AGBL1: variants seen among roughly 807,000 people sequenced by gnomAD.
The protein encoded by AGBL1 is AGBL carboxypeptidase 1.
AGBL1 carries 130 observed loss-of-function variants against 118.9 expected under a neutral mutation model. The observed-to-expected ratio is 1.09, with a 90% confidence interval of 0.95 to 1.26. AGBL1 has a LOEUF of 1.26. Ranked by LOEUF, AGBL1 falls within the 50% of genes most tolerant of loss-of-function variation. AGBL1 has a pLI of 0.00. For missense variants in AGBL1, 1,584 were observed against 1,298.1 expected, an observed-to-expected ratio of 1.22 and a Z score of -3.38; for synonymous variants, 555 against 478.9, an observed-to-expected ratio of 1.16 and a Z score of -2.08.
intron 22 of AGBL1, among the ~76,000 whole-genome samples, chr15:86,824,272 CA>C (rs147915756): frequency 0.014 from 2,112 of 152,028 alleles, 49 homozygotes; most frequent in African/African-American, 0.048. Context: ...ACACAAAAAC[CA>C]ATCATTTTTC....
chr15:86,710,329 C>G (rs1021032348), intron 22 of AGBL1, among the ~76,000 whole-genome samples: 8 of 152,140 alleles, frequency 5.3e-5, no homozygotes, highest in Non-Finnish European at 7.3e-5. Flanking sequence ...CTATTAGACC[C>G]ATTGTTAGTT....
intron 22 of AGBL1, among the ~76,000 whole-genome samples, chr15:86,804,571 G>A (rs535904749): frequency 3.9e-5 from 6 of 152,244 alleles, no homozygotes; most frequent in South Asian, 4.1e-4. Flanking sequence ...TGAATGCTAC[G>A]CATGTGTCTT....
At chr15:86,305,056 C>A (rs12903704) in intron 17 of AGBL1, 1 of 151,966 alleles carries the variant, frequency 6.6e-6, no homozygotes, top group Non-Finnish European at 1.5e-5. Flanking sequence ...AAAAACACAA[C>A]CAATGTTTCT....
At chr15:86,556,126 T>A in intron 21 of AGBL1, 1 of 996,592 alleles carries the variant, frequency 1.0e-6, no homozygotes, top group Non-Finnish European at 1.5e-6. Context: ...ATCAGTGCCA[T>A]TCACAATAAA....
intron 22 of AGBL1, among the ~76,000 whole-genome samples, chr15:86,700,925 G>A (rs2086347254): frequency 6.6e-6 from 1 of 152,076 alleles, no homozygotes; most frequent in Non-Finnish European, 1.5e-5. Flanking sequence ...GACAGTCAGA[G>A]TCAGCCGGAT....
chr15:86,771,749 T>C (rs569799550), intron 22 of AGBL1, among the ~76,000 whole-genome samples: 87 of 152,132 alleles, frequency 5.7e-4, no homozygotes, highest in Admixed American at 1.7e-3. Flanking sequence ...TTCTCCTTAA[T>C]TATTTTTTTC....
At chr15:86,327,530 C>G (rs1033485830) in intron 17 of AGBL1, among the ~76,000 whole-genome samples, 4 of 152,096 alleles carry the variant, frequency 2.6e-5, no homozygotes, top group African/African-American at 9.7e-5. Flanking sequence ...TTTTAAGAAG[C>G]GATGAAAGCC....
intron 21 of AGBL1, among the ~76,000 whole-genome samples, chr15:86,633,524 T>G (rs768994671): frequency 3.9e-5 from 6 of 152,122 alleles, no homozygotes; most frequent in Non-Finnish European, 7.4e-5. Context: ...AAATAAATAC[T>G]GCTGAAAGAA....
At position 86,778,990 on chromosome 15, in the gene AGBL1, T is replaced by G. The variant is rs911573322; in HGVS notation, c.3158+104554T>G. On this transcript the variant is annotated intron_variant, in intron 22 of 22. Transcript: ENST00000614907. The stretch of plus-strand genomic sequence containing the variant: ...TGTGAAATCTTCACAATTTATGTTC[T>G]TCTGCCATGGCTTCAGCCGGTCCCT... Among the ~76,000 whole-genome samples, 5 of 152,242 alleles carry G rather than the reference T, an allele frequency of 3.3e-5. 1 individual carries two copies. The highest frequency in any genetic ancestry group is 2.6e-4 in the Admixed American group (4 of 15,284).
At chr15:86,131,541 A>G (rs1446768725) in intron 1 of AGBL1, among the ~76,000 whole-genome samples, 1 of 152,188 alleles carries the variant, frequency 6.6e-6, no homozygotes, top group Non-Finnish European at 1.5e-5. Flanking sequence ...CTTGGCCTCA[A>G]TTTCCTTATC....
At chr15:86,990,510 T>C (rs1359481166) in intron 24 of AGBL1, among the ~76,000 whole-genome samples, 1 of 151,248 alleles carries the variant, frequency 6.6e-6, no homozygotes, top group Non-Finnish European at 1.5e-5. Context: ...CAAGACTCCA[T>C]CTCAGAAAAA....
intron 22 of AGBL1, among the ~76,000 whole-genome samples, chr15:86,721,627 T>A (rs868532577): frequency 1.3e-5 from 2 of 152,158 alleles, no homozygotes; most frequent in African/African-American, 4.8e-5. Flanking sequence ...ACCACTCCTA[T>A]TCAACATAGT....
chr15:86,667,339 T>C (rs1378821334), intron 21 of AGBL1, among the ~76,000 whole-genome samples: 1 of 152,012 alleles, frequency 6.6e-6, no homozygotes, highest in African/African-American at 2.4e-5. Context: ...TTTTTGGTAT[T>C]AGGATTATGT....
At chr15:86,290,923 A>G (rs7178354) in intron 16 of AGBL1, among the ~76,000 whole-genome samples, 53,424 of 151,354 alleles carry the variant, frequency 0.35, 9,828 homozygotes, top group African/African-American at 0.4. Context: ...TCCCACCTAT[A>G]AGTGAGAATA....
chr15:86,719,670 C>T (rs1349196285), intron 22 of AGBL1, among the ~76,000 whole-genome samples: 1 of 152,036 alleles, frequency 6.6e-6, no homozygotes. Flanking sequence ...TCCTTTTTAT[C>T]CTCAATTAAG....
chr15:86,416,183 G>T (rs2081692081), intron 18 of AGBL1, among the ~76,000 whole-genome samples: 2 of 152,220 alleles, frequency 1.3e-5, no homozygotes, highest in Middle Eastern at 6.8e-3. Context: ...GAGTAGAGAT[G>T]ACTAAATATT....
At position 86,267,084 on chromosome 15, in the gene AGBL1, A is replaced by C; in HGVS notation, c.1838+8A>C. On this transcript the variant is annotated splice_region_variant and intron_variant, in intron 13 of 22. Coordinates refer to ENST00000614907, the MANE Select transcript of AGBL1 (RefSeq NM_001386094.1). The stretch of plus-strand genomic sequence containing the variant: ...AGCCATCCAAGTGCGTGAGTAAGTA[A>C]GGAAAACCACAGTGGGTGTCTCCTG... 1 of 1,554,960 alleles carries C rather than the reference A, an allele frequency of 6.4e-7. No homozygotes were observed. The highest frequency in any genetic ancestry group is 1.2e-5 in the South Asian group (1 of 84,292).
At position 86,141,840 on chromosome 15, in the gene AGBL1, A is replaced by G. The variant is rs1424627187; in HGVS notation, c.52-164A>G. Among the ~76,000 whole-genome samples the G allele has an allele frequency of 2.0e-5, 3 of 152,218 alleles. No homozygotes were observed. In the East Asian group the frequency reaches 5.8e-4, roughly 29 times the overall value. ...GAAGACTAAATATGGAGGGAGGCAC[A>G]GCCCCTGGGTCTCTTACCAAGTGAA... On this transcript the variant is annotated intron_variant, in intron 1 of 22. Coordinates refer to ENST00000614907, the MANE Select transcript of AGBL1 (RefSeq NM_001386094.1).
At chr15:86,290,340 TTTC>T (rs2079523931) in intron 16 of AGBL1, among the ~76,000 whole-genome samples, 1 of 131,634 alleles carries the variant, frequency 7.6e-6, no homozygotes, top group Middle Eastern at 3.5e-3. Context: ...CCTTCTTTTC[TTTC>T]TTTTTTTTTT....
Sources: allele counts gnomAD v4.1 joint callset (sites outside exome capture counted in the v4.1 genomes callset), GRCh38; gene constraint gnomAD v4.1.1; transcripts MANE v1.5; gene names NCBI Gene and HGNC (gene_info 2026-07-23, HGNC 2026-07-21).